The following FARP1 variants were observed in gnomAD, a reference collection of about 807,000 sequenced individuals.
FARP1 encodes the protein FERM, ARHGEF and pleckstrin domain-containing protein 1.
A neutral mutation model predicts 128.8 loss-of-function variants in FARP1; 52 were observed. The ratio of observed to expected loss-of-function variants is 0.40; its 90% CI spans 0.32 to 0.51. FARP1 has a LOEUF of 0.51. Among genes scored for constraint, FARP1 ranks in the 20% least tolerant of loss-of-function variants. FARP1 has a pLI of 0.45. For synonymous variants in FARP1, 580 were observed against 551.8 expected, an observed-to-expected ratio of 1.05 and a Z score of -0.72; for missense variants, 1,333 against 1,367.9, an observed-to-expected ratio of 0.97 and a Z score of 0.40.
Position 98,419,044 on chromosome 13 carries a change from C to T in FARP1, c.1827-5528C>T, listed in dbSNP as rs561421456. On this transcript the variant is annotated intron_variant, in intron 16 of 26. Transcript: ENST00000319562. The stretch of plus-strand genomic sequence containing the variant: ...GTGTTTCCCGCAGCTGCCAAAGGCG[C>T]GGCGTTCCCGGCCCATTGAAGATGC... 4.7e-4 allele frequency among the ~76,000 whole-genome samples: 72 copies of T among 152,300 alleles called. 1 individual carries two copies. In the South Asian group the frequency reaches 0.012, roughly 25 times the overall value.
chr13:98,273,524 A>G (rs546366099), intron 2 of FARP1, among the ~76,000 whole-genome samples: 1 of 152,326 alleles, frequency 6.6e-6, no homozygotes, highest in African/African-American at 2.4e-5. Flanking sequence ...CCCGTTAGCC[A>G]AGAGGCGTTT....
At chr13:98,300,278 G>T (rs1885867520) in intron 2 of FARP1, among the ~76,000 whole-genome samples, 2 of 152,194 alleles carry the variant, frequency 1.3e-5, no homozygotes, top group South Asian at 4.1e-4. Flanking sequence ...AGGCTTTCAC[G>T]TTAGTCACTT....
chr13:98,261,232 G>A (rs140754237), intron 2 of FARP1, among the ~76,000 whole-genome samples: 36 of 152,304 alleles, frequency 2.4e-4, no homozygotes, highest in African/African-American at 5.8e-4. Context: ...GGAGATGCCC[G>A]GGCCAGGCTC....
chr13:98,421,522 T>C (rs188788925), intron 16 of FARP1, among the ~76,000 whole-genome samples: 1 of 152,342 alleles, frequency 6.6e-6, no homozygotes, highest in East Asian at 1.9e-4. Context: ...TGTTCTCAAA[T>C]GGCAGATCCA....
At chr13:98,379,153 T>TATATATAATATATAATCTATATATA (rs1199900640) in intron 6 of FARP1, among the ~76,000 whole-genome samples, 1 of 73,014 alleles carries the variant, frequency 1.4e-5, no homozygotes, top group Non-Finnish European at 2.3e-5. Context: ...CTATATATAA[T>TATATATAATATATAATCTATATATA]ATATATATAA....
In FARP1 at chr13:98,297,549, A is replaced by G. The variant is rs141322631; in HGVS notation, c.172-46213A>G. Among the ~76,000 whole-genome samples the G allele has an allele frequency of 9.4e-3, 1,434 of 152,362 alleles. 16 individuals are homozygous for G. The highest frequency in any genetic ancestry group is 0.02 in the Admixed American group (303 of 15,304). ...ACTATGACTACAGCCAACTGTAGGT[A>G]CGATAATTTTAAAAACTCAAACTGC... On this transcript the variant is annotated intron_variant, in intron 2 of 26. Transcript: ENST00000319562.
chr13:98,228,961 A>T (rs1168509605), intron 2 of FARP1, among the ~76,000 whole-genome samples: 1 of 152,222 alleles, frequency 6.6e-6, no homozygotes, highest in South Asian at 2.1e-4. Flanking sequence ...GGAATTTGTT[A>T]TTCTTTTTAA....
intron 3 of FARP1, among the ~76,000 whole-genome samples, chr13:98,357,982 A>G (rs1204644046): frequency 6.6e-6 from 1 of 152,106 alleles, no homozygotes; most frequent in South Asian, 2.1e-4. Flanking sequence ...AGGCCCCAGG[A>G]ATCATGAGGT....
At chr13:98,387,620 T>C (rs1890146066) in intron 8 of FARP1, among the ~76,000 whole-genome samples, 2 of 152,080 alleles carry the variant, frequency 1.3e-5, no homozygotes, top group Non-Finnish European at 2.9e-5. Context: ...CAGATGGGAG[T>C]TGGTATCCGG....
chr13:98,154,038 C>A (rs945907924), intron 1 of FARP1, among the ~76,000 whole-genome samples: 1 of 152,182 alleles, frequency 6.6e-6, no homozygotes, highest in South Asian at 2.1e-4. Flanking sequence ...TAAATGGAAT[C>A]TTAGCATTTG....
chr13:98,154,437 A>T (rs1876356956), intron 1 of FARP1, among the ~76,000 whole-genome samples: 1 of 152,174 alleles, frequency 6.6e-6, no homozygotes, highest in African/African-American at 2.4e-5. Flanking sequence ...TTACCTGAAG[A>T]TGTGACTAAA....
At chr13:98,390,913 AGAAG>A in intron 11 of FARP1, 33 bp downstream of exon 11, 5 of 1,459,400 alleles carry the variant, frequency 3.4e-6, no homozygotes, top group Non-Finnish European at 3.8e-6. Context: ...TTCCAGTCTG[AGAAG>A]GCTCAGACTC....
At chr13:98,283,304 T>G (rs1242373526) in intron 2 of FARP1, among the ~76,000 whole-genome samples, 1 of 152,162 alleles carries the variant, frequency 6.6e-6, no homozygotes, top group Non-Finnish European at 1.5e-5. Flanking sequence ...TCATGCAAAT[T>G]TAAGGTCAAG....
chr13:98,386,187 C>CTT lies in FARP1; in HGVS notation c.759+393_759+394dup, dbSNP rs138218092. On this transcript the variant is annotated intron_variant, in intron 8 of 26. Coordinates refer to ENST00000319562, the MANE Select transcript of FARP1 (RefSeq NM_005766.4). Reference sequence around the variant, plus strand: ...GATGATACTTTGCTGTAATGTGATCCTTTTTTTTTTTTTTTTTTTTTCAAA... The same window carrying CTT: ...GATGATACTTTGCTGTAATGTGATCCTTTTTTTTTTTTTTTTTTTTTTTCAAA... Among the ~76,000 whole-genome samples the CTT allele has an allele frequency of 3.0e-3, 283 of 92,956 alleles. 1 individual carries two copies. The highest frequency in any genetic ancestry group is 6.5e-3 in the Middle Eastern group (1 of 154). 61.0% of individuals were successfully genotyped at this position (92,956 alleles called of 152,430 possible). A position where few individuals can be genotyped will look rare whatever the true frequency, so the allele number is the denominator to read the frequency against.
chr13:98,218,739 T>C (rs1210592307), intron 2 of FARP1, among the ~76,000 whole-genome samples: 1 of 152,192 alleles, frequency 6.6e-6, no homozygotes, highest in Non-Finnish European at 1.5e-5. Context: ...GCTGTTTTCA[T>C]AAAACTCACT....
intron 2 of FARP1, among the ~76,000 whole-genome samples, chr13:98,340,505 C>T (rs547494504): frequency 2.6e-5 from 4 of 152,138 alleles, no homozygotes; most frequent in South Asian, 2.1e-4. Context: ...CCACCACACC[C>T]GGGTAATTTT....
rs9584833 is a variant in FARP1, at chr13:98,395,205, C to T, written c.1165-22C>T. ...TCTCCCTCTTCTCTATCTCTCCGCA[C>T]CTTTTTCCCCACCCCACCCAGTCTC... On this transcript the variant is annotated intron_variant, in intron 12 of 26. Coordinates refer to ENST00000319562, the MANE Select transcript of FARP1 (RefSeq NM_005766.4). The T allele has an allele frequency of 1.9e-3, 2,993 of 1,577,742 alleles. 56 individuals carry two copies. In the African/African-American group the frequency reaches 0.037, roughly 20 times the overall value.
intron 16 of FARP1, among the ~76,000 whole-genome samples, chr13:98,417,777 T>G (rs1440184254): frequency 6.6e-6 from 1 of 152,196 alleles, no homozygotes; most frequent in Admixed American, 6.5e-5. Context: ...TGGAGATGAC[T>G]AAGGTCAGAA....
chr13:98,192,239 C>T (rs1357829411), intron 1 of FARP1, among the ~76,000 whole-genome samples: 3 of 152,060 alleles, frequency 2.0e-5, no homozygotes, highest in Non-Finnish European at 2.9e-5. Flanking sequence ...CTTTTTATTG[C>T]TTGTGTTTAT....
Sources: gnomAD v4.1 joint callset for allele counts (sites outside exome capture counted in the v4.1 genomes callset) on GRCh38, gnomAD v4.1.1 for gene constraint, MANE v1.5 for transcripts, NCBI Gene and HGNC (gene_info 2026-07-23, HGNC 2026-07-21) for gene names.